The following SUPT3H variants were observed in gnomAD, a reference collection of about 807,000 sequenced individuals.
SUPT3H encodes SPT3 homolog, SAGA and STAGA complex component.
In SUPT3H, 44 loss-of-function variants were observed where a neutral mutation model predicts 44.3. That is an observed-to-expected ratio of 0.99 (90% CI 0.78 to 1.28). SUPT3H has a LOEUF of 1.28. Ranked by LOEUF, SUPT3H falls within the 50% of genes most tolerant of loss-of-function variation. The pLI is 0.00. For missense variants in SUPT3H, 380 were observed against 387.1 expected, an observed-to-expected ratio of 0.98 and a Z score of 0.15; for synonymous variants, 124 against 125.6, an observed-to-expected ratio of 0.99 and a Z score of 0.09.
At chr6:44,870,889 A>AC (rs1776319805) in intron 10 of SUPT3H, among the ~76,000 whole-genome samples, 2 of 151,770 alleles carry the variant, frequency 1.3e-5, no homozygotes, top group Non-Finnish European at 2.9e-5. Context: ...GGGGTGACGG[A>AC]TGCACCTGGA....
intron 2 of SUPT3H, among the ~76,000 whole-genome samples, chr6:45,283,868 G>T (rs1057230617): frequency 3.3e-4 from 50 of 152,126 alleles, no homozygotes; most frequent in African/African-American, 1.2e-3. Context: ...TAAAAGAACA[G>T]AAATTATAAC....
chr6:45,236,283 G>T (rs1769119160), intron 2 of SUPT3H, among the ~76,000 whole-genome samples: 2 of 152,108 alleles, frequency 1.3e-5, no homozygotes, highest in Admixed American at 1.3e-4. Context: ...GGTCGCCGGG[G>T]CAATGGTTGG....
chr6:45,059,407 C>T (rs1791624223), intron 3 of SUPT3H, among the ~76,000 whole-genome samples: 1 of 151,856 alleles, frequency 6.6e-6, no homozygotes, highest in Non-Finnish European at 1.5e-5. Context: ...TTAAAAACTC[C>T]CAATAAACTA....
chr6:45,074,368 T>C (rs1275538352), intron 3 of SUPT3H, among the ~76,000 whole-genome samples: 1 of 151,762 alleles, frequency 6.6e-6, no homozygotes, highest in African/African-American at 2.4e-5. Context: ...GGACAAAACA[T>C]AGAAAGTATT....
At chr6:45,198,797 A>G (rs1244626305) in intron 2 of SUPT3H, among the ~76,000 whole-genome samples, 1 of 151,192 alleles carries the variant, frequency 6.6e-6, no homozygotes, top group Admixed American at 6.6e-5. Flanking sequence ...CAACATCTTA[A>G]TTATTATCAT....
intron 2 of SUPT3H, among the ~76,000 whole-genome samples, chr6:45,270,024 T>A (rs1017637914): frequency 2.0e-5 from 3 of 152,148 alleles, no homozygotes; most frequent in South Asian, 4.1e-4. Context: ...TACAAATAAG[T>A]GAAATCATGC....
At chr6:44,901,181 T>G (rs1764976576) in intron 10 of SUPT3H, among the ~76,000 whole-genome samples, 1 of 152,090 alleles carries the variant, frequency 6.6e-6, no homozygotes, top group African/African-American at 2.4e-5. Flanking sequence ...GAGAATGACT[T>G]TGACAAGTTG....
chr6:44,962,038 T>C lies in SUPT3H; in HGVS notation c.505-210A>G, dbSNP rs372957961. On this transcript the variant is annotated intron_variant, in intron 6 of 10. Coordinates refer to ENST00000371459, the MANE Select transcript of SUPT3H (RefSeq NM_003599.4). ...TTTGGAAATAAAGTTTAAATATTAC[T>C]TTCTGCTCCTTTGTTATTGAAACTA... 2.1e-3 allele frequency among the ~76,000 whole-genome samples: 327 copies of C among 152,320 alleles called. 1 individual carries two copies. Among genetic ancestry groups the C allele is most frequent in the Middle Eastern group, 0.02 (6 of 294 alleles).
At chr6:45,012,428 A>G (rs1401042776) in intron 5 of SUPT3H, among the ~76,000 whole-genome samples, 27 of 151,960 alleles carry the variant, frequency 1.8e-4, no homozygotes, top group Admixed American at 1.8e-3. Context: ...TGCCAGCTGA[A>G]AACAACTATT....
chr6:45,012,739 T>C lies in SUPT3H; in HGVS notation c.364+2062A>G, dbSNP rs75309939. Among the ~76,000 whole-genome samples, 515 of 152,202 alleles carry C rather than the reference T, an allele frequency of 3.4e-3. 3 individuals carry two copies. Among genetic ancestry groups the C allele is most frequent in the Non-Finnish European group, 5.0e-3 (340 of 67,998 alleles). ...CTATTACTTGGCATATCTAGTATTT[T>C]GTTGTTGTTGTTGAAAAGGGACACT... On this transcript the variant is annotated intron_variant, in intron 5 of 10. Coordinates refer to ENST00000371459, the MANE Select transcript of SUPT3H (RefSeq NM_003599.4).
At chr6:44,999,700 G>C (rs1781760007) in intron 6 of SUPT3H, among the ~76,000 whole-genome samples, 1 of 151,880 alleles carries the variant, frequency 6.6e-6, no homozygotes, top group Non-Finnish European at 1.5e-5. Flanking sequence ...AGATGGGGAT[G>C]GTGTGTTCTA....
intron 2 of SUPT3H, among the ~76,000 whole-genome samples, chr6:45,258,003 G>C (rs548656878): frequency 1.3e-5 from 2 of 152,048 alleles, no homozygotes; most frequent in Non-Finnish European, 2.9e-5. Flanking sequence ...AATAATTCTC[G>C]ATCACGGAAA....
chr6:45,104,472 A>G (rs1399119899), intron 3 of SUPT3H, among the ~76,000 whole-genome samples: 1 of 150,246 alleles, frequency 6.7e-6, no homozygotes, highest in East Asian at 1.9e-4. Context: ...GAATTCCACT[A>G]TCTTTCAAAT....
intron 3 of SUPT3H, among the ~76,000 whole-genome samples, chr6:45,067,605 A>C (rs1216820827): frequency 6.6e-6 from 1 of 151,594 alleles, no homozygotes; most frequent in Non-Finnish European, 1.5e-5. Flanking sequence ...ATGAACTCAA[A>C]CAAATTTACA....
chr6:44,920,582 AAGAC>A (rs1768542863), intron 10 of SUPT3H, among the ~76,000 whole-genome samples: 3 of 148,492 alleles, frequency 2.0e-5, no homozygotes, highest in Admixed American at 1.3e-4. Context: ...AAAAAAAAAA[AAGAC>A]AGAAAAGGAA....
intron 2 of SUPT3H, among the ~76,000 whole-genome samples, chr6:45,217,474 C>CA (rs778817382): frequency 0.044 from 2,815 of 64,694 alleles, 89 homozygotes; most frequent in African/African-American, 0.16. Flanking sequence ...GATTCCGCCT[C>CA]AAAAATAAAA....
chr6:44,858,704 C>T (rs1387977471), intron 10 of SUPT3H, among the ~76,000 whole-genome samples: 1 of 152,132 alleles, frequency 6.6e-6, no homozygotes, highest in African/African-American at 2.4e-5. Context: ...CTACATATTG[C>T]CATGCTAGAG....
intron 2 of SUPT3H, among the ~76,000 whole-genome samples, chr6:45,259,920 T>C (rs371224051): frequency 6.6e-6 from 1 of 152,208 alleles, no homozygotes; most frequent in East Asian, 1.9e-4. Context: ...TAAATTATCA[T>C]TAGATAGTTC....
chr6:45,326,503 A>G (rs1786366741), intron 2 of SUPT3H, among the ~76,000 whole-genome samples: 2 of 151,926 alleles, frequency 1.3e-5, no homozygotes, highest in Admixed American at 6.6e-5. Context: ...TTTACCTTTC[A>G]ATGTAAAATC....
Sources: gnomAD v4.1 joint callset for allele counts (sites outside exome capture counted in the v4.1 genomes callset) on GRCh38, gnomAD v4.1.1 for gene constraint, MANE v1.5 for transcripts, NCBI Gene and HGNC (gene_info 2026-07-23, HGNC 2026-07-21) for gene names.